CADM2: variants seen among roughly 807,000 people sequenced by gnomAD.
CADM2 encodes the protein immunoglobulin superfamily member 4D.
CADM2 carries 12 observed loss-of-function variants against 49.8 expected under a neutral mutation model. The ratio of observed to expected loss-of-function variants is 0.24; its 90% confidence interval spans 0.15 to 0.39. The LOEUF (loss-of-function observed/expected upper bound fraction) is 0.39, where lower values mean the gene tolerates loss of function less well. Ranked by LOEUF, CADM2 falls within the 10% of genes least tolerant of loss-of-function variation. CADM2 has a pLI of 1.00. For missense variants in CADM2, 378 were observed against 492.3 expected (o/e 0.77, Z 2.20); for synonymous variants, 214 against 175.4 (o/e 1.22, Z -1.74).
chr3:85,137,981 A>G (rs1229919071), intron 1 of CADM2, among the ~76,000 whole-genome samples: 1 of 152,204 alleles, frequency 6.6e-6, no homozygotes, highest in Admixed American at 6.6e-5. Context: ...ATATAAATGT[A>G]CATTCATAGA....
intron 1 of CADM2, among the ~76,000 whole-genome samples, chr3:85,168,782 A>G (rs1038552557): frequency 2.0e-5 from 3 of 152,124 alleles, no homozygotes; most frequent in Admixed American, 6.6e-5. Context: ...TGTGAAAATC[A>G]TCATAGTTAT....
At chr3:85,465,906 G>A (rs538563991) in intron 1 of CADM2, among the ~76,000 whole-genome samples, 1 of 152,102 alleles carries the variant, frequency 6.6e-6, no homozygotes, top group Admixed American at 6.5e-5. Flanking sequence ...ATGGAAAATA[G>A]GATCTTTTCT....
At chr3:85,955,894 ATATT>A (rs1338834629) in intron 7 of CADM2, among the ~76,000 whole-genome samples, 2 of 151,666 alleles carry the variant, frequency 1.3e-5, no homozygotes, top group East Asian at 3.9e-4. Flanking sequence ...ATGTATAAAC[ATATT>A]TTGTCTCTCT....
At chr3:85,166,173 A>C (rs1408718341) in intron 1 of CADM2, among the ~76,000 whole-genome samples, 1 of 151,810 alleles carries the variant, frequency 6.6e-6, no homozygotes, top group African/African-American at 2.4e-5. Flanking sequence ...TATTTTTGCA[A>C]AATTGTGTAG....
intron 1 of CADM2, among the ~76,000 whole-genome samples, chr3:85,212,620 G>A (rs1239212816): frequency 1.3e-5 from 2 of 151,590 alleles, no homozygotes; most frequent in Non-Finnish European, 2.9e-5. Context: ...ATTTTCTGTT[G>A]CATCTATTTA....
chr3:85,383,238 C>T (rs988530182), intron 1 of CADM2, among the ~76,000 whole-genome samples: 5 of 152,100 alleles, frequency 3.3e-5, no homozygotes, highest in Non-Finnish European at 7.3e-5. Flanking sequence ...TCTGAATCTG[C>T]TGTGACTCTG....
chr3:85,269,685 T>C (rs1424512394), intron 1 of CADM2, among the ~76,000 whole-genome samples: 1 of 151,362 alleles, frequency 6.6e-6, no homozygotes, highest in East Asian at 1.9e-4. Context: ...ATCACTATGT[T>C]CTATGTGACA....
At chr3:85,524,484 C>T (rs1429111557) in intron 1 of CADM2, among the ~76,000 whole-genome samples, 2 of 152,032 alleles carry the variant, frequency 1.3e-5, no homozygotes, top group Admixed American at 1.3e-4. Flanking sequence ...TGCCATTGTT[C>T]AAAGAATATA....
At chr3:85,192,370 G>T (rs571288643) in intron 1 of CADM2, among the ~76,000 whole-genome samples, 8 of 152,034 alleles carry the variant, frequency 5.3e-5, no homozygotes, top group African/African-American at 1.9e-4. Flanking sequence ...TTAAGATAAA[G>T]ACATATATTC....
At chr3:85,573,769 T>A (rs960266245) in intron 1 of CADM2, among the ~76,000 whole-genome samples, 6 of 152,208 alleles carry the variant, frequency 3.9e-5, no homozygotes, top group Non-Finnish European at 8.8e-5. Flanking sequence ...TACGTGATCT[T>A]ATTCCCTGCT....
chr3:85,184,008 A>C (rs1326676832), intron 1 of CADM2, among the ~76,000 whole-genome samples: 1 of 152,120 alleles, frequency 6.6e-6, no homozygotes, highest in East Asian at 1.9e-4. Flanking sequence ...AAATGGTTAG[A>C]TCATTAGGTG....
At chr3:85,225,958 A>G (rs2042150686) in intron 1 of CADM2, among the ~76,000 whole-genome samples, 1 of 152,214 alleles carries the variant, frequency 6.6e-6, no homozygotes, top group South Asian at 2.1e-4. Flanking sequence ...AGCCGACTTC[A>G]TCGTGGTGGA....
chr3:85,102,629 T>C (rs1177143035), intron 1 of CADM2, among the ~76,000 whole-genome samples: 1 of 152,174 alleles, frequency 6.6e-6, no homozygotes, highest in African/African-American at 2.4e-5. Flanking sequence ...TGATAAAACA[T>C]GCTGATTTCT....
chr3:85,439,252 C>A (rs973431509), intron 1 of CADM2, among the ~76,000 whole-genome samples: 1 of 151,152 alleles, frequency 6.6e-6, no homozygotes, highest in African/African-American at 2.4e-5. Context: ...CTCCCAGGTT[C>A]ATGCGATTCT....
At chr3:85,770,411 A>G (rs1209491258) in intron 2 of CADM2, among the ~76,000 whole-genome samples, 1 of 151,984 alleles carries the variant, frequency 6.6e-6, no homozygotes, top group Non-Finnish European at 1.5e-5. Flanking sequence ...GGGCTCAAGC[A>G]ATCCTGATCC....
At chr3:85,539,858 A>C (rs1175157892) in intron 1 of CADM2, among the ~76,000 whole-genome samples, 1 of 152,110 alleles carries the variant, frequency 6.6e-6, no homozygotes, top group African/African-American at 2.4e-5. Context: ...TCAGGATTTC[A>C]ATTTTTTAAA....
At chr3:85,120,586 A>G (rs1575915896) in intron 1 of CADM2, among the ~76,000 whole-genome samples, 1 of 152,130 alleles carries the variant, frequency 6.6e-6, no homozygotes, top group Non-Finnish European at 1.5e-5. Flanking sequence ...AACAGAAAAC[A>G]AAACACCACA....
intron 1 of CADM2, among the ~76,000 whole-genome samples, chr3:85,208,010 T>A (rs1403642235): frequency 6.6e-6 from 1 of 152,204 alleles, no homozygotes; most frequent in Non-Finnish European, 1.5e-5. Flanking sequence ...ACTGTTTTAA[T>A]CTTTGCCTCC....
intron 3 of CADM2, among the ~76,000 whole-genome samples, chr3:85,809,833 G>C (rs2072737502): frequency 7.5e-6 from 1 of 133,558 alleles, no homozygotes; most frequent in Admixed American, 8.0e-5. Flanking sequence ...ATAGTTTCTG[G>C]TTCTGTATTT....
Sources: allele counts gnomAD v4.1 joint callset (sites outside exome capture counted in the v4.1 genomes callset), GRCh38; gene constraint gnomAD v4.1.1; transcripts MANE v1.5; gene names NCBI Gene and HGNC (gene_info 2026-07-23, HGNC 2026-07-21).